Variants in DMD observed in about 807,000 individuals in gnomAD.
DMD encodes mutant dystrophin.
In DMD, 63 loss-of-function variants were observed where a neutral mutation model predicts 330.1. That is an observed-to-expected ratio of 0.19 (90% CI 0.16 to 0.24). The LOEUF is 0.24. Ranked by LOEUF, DMD falls within the 10% of genes least tolerant of loss-of-function variation. The probability of loss-of-function intolerance (pLI) is 1.00; values close to 1 mark genes in which losing one functional copy is unlikely to be tolerated. For synonymous variants in DMD, 1,223 were observed against 959.8 expected (o/e 1.27, Z -5.07); for missense variants, 3,344 against 2,684.1 (o/e 1.25, Z -5.43).
chrX:32,237,345 G>A (rs1005318934), intron 43 of DMD, among the ~76,000 whole-genome samples: 3 of 110,348 alleles, frequency 2.7e-5, no homozygotes, highest in Non-Finnish European at 3.8e-5. Flanking sequence ...CAATACATTC[G>A]AATACATTAG....
intron 1 of DMD, among the ~76,000 whole-genome samples, chrX:33,068,421 C>A (rs989834389): frequency 8.9e-6 from 1 of 112,069 alleles, no homozygotes; most frequent in Non-Finnish European, 1.9e-5. Flanking sequence ...AGGTATTGTA[C>A]TTTGCCAAGG....
At chrX:31,157,019 G>A (rs776120410) in intron 74 of DMD, among the ~76,000 whole-genome samples, 1 of 112,049 alleles carries the variant, frequency 8.9e-6, no homozygotes, top group East Asian at 2.8e-4. Flanking sequence ...TGAAATCACT[G>A]AGTTAAGATC....
intron 7 of DMD, among the ~76,000 whole-genome samples, chrX:32,796,102 C>A (rs1384987205): frequency 2.4e-5 from 2 of 84,934 alleles, no homozygotes; most frequent in South Asian, 9.0e-4. Context: ...AGCAATGCCA[C>A]TAATAAGTAT....
chrX:31,386,214 C>T (rs189503466), intron 60 of DMD, among the ~76,000 whole-genome samples: 20 of 110,765 alleles, frequency 1.8e-4, no homozygotes, highest in African/African-American at 5.2e-4. Context: ...CATCACACAC[C>T]AGGGACTGTT....
chrX:32,485,415 T>C (rs1603634619), intron 20 of DMD, among the ~76,000 whole-genome samples: 1 of 110,951 alleles, frequency 9.0e-6, no homozygotes, highest in East Asian at 2.8e-4. Flanking sequence ...TTTCCATAAA[T>C]CAAATATAGG....
intron 1 of DMD, among the ~76,000 whole-genome samples, chrX:33,168,249 A>T (rs1280950249): frequency 9.0e-6 from 1 of 111,268 alleles, no homozygotes; most frequent in African/African-American, 3.2e-5. Flanking sequence ...CAATGTGGCA[A>T]TTACTACTTC....
chrX:33,336,670 T>C (rs1478318804), intron 1 of DMD, among the ~76,000 whole-genome samples: 1 of 111,875 alleles, frequency 8.9e-6, no homozygotes, highest in Non-Finnish European at 1.9e-5. Flanking sequence ...TCACTAATTC[T>C]GGATTTAAAA....
At chrX:33,255,752 T>C (rs1224465245) in intron 1 of DMD, among the ~76,000 whole-genome samples, 1 of 111,431 alleles carries the variant, frequency 9.0e-6, no homozygotes, top group Non-Finnish European at 1.9e-5. Flanking sequence ...TTTCCTTTAA[T>C]TGAATCATTT....
intron 29 of DMD, among the ~76,000 whole-genome samples, chrX:32,429,387 G>GTTA (rs1191026907): frequency 2.3e-5 from 1 of 44,201 alleles, no homozygotes; most frequent in African/African-American, 1.1e-4. Flanking sequence ...TTTTTTTTGG[G>GTTA]TTTTTTTTTT....
At chrX:32,946,708 T>A (rs889238950) in intron 2 of DMD, among the ~76,000 whole-genome samples, 2 of 112,249 alleles carry the variant, frequency 1.8e-5, no homozygotes, top group African/African-American at 6.5e-5. Context: ...CGTTGACATT[T>A]TTTTTCTTGT....
chrX:32,145,195 T>C (rs1180206427), intron 44 of DMD, among the ~76,000 whole-genome samples: 1 of 112,721 alleles, frequency 8.9e-6, no homozygotes, highest in African/African-American at 3.2e-5. Flanking sequence ...TGTATGTAAG[T>C]TATTTCAAAA....
intron 41 of DMD, among the ~76,000 whole-genome samples, chrX:32,341,243 T>A (rs1158026045): frequency 9.0e-6 from 1 of 111,525 alleles, no homozygotes; most frequent in African/African-American, 3.3e-5. Flanking sequence ...GTTTCCAGAT[T>A]TTGACATCCT....
intron 57 of DMD, among the ~76,000 whole-genome samples, chrX:31,483,040 CTTTTTTTTT>C (rs375059694): frequency 2.8e-5 from 2 of 70,736 alleles, no homozygotes; most frequent in African/African-American, 1.0e-4. Flanking sequence ...GGAAATGGAT[CTTTTTTTTT>C]TTTTTTTTTT....
intron 42 of DMD, among the ~76,000 whole-genome samples, chrX:32,293,199 G>T (rs963313184): frequency 1.2e-4 from 14 of 112,401 alleles, no homozygotes; most frequent in African/African-American, 4.2e-4. Context: ...GAGGAATGCA[G>T]GTTAAAACTG....
chrX:32,300,422 G>C (rs895213426), intron 42 of DMD, among the ~76,000 whole-genome samples: 5 of 110,776 alleles, frequency 4.5e-5, no homozygotes, highest in African/African-American at 1.6e-4. Context: ...CCTTTATTCA[G>C]AATTACACCT....
chrX:31,620,863 G>C (rs936092384), intron 55 of DMD, among the ~76,000 whole-genome samples: 1 of 111,471 alleles, frequency 9.0e-6, no homozygotes, highest in African/African-American at 3.3e-5. Context: ...GTAACATTTT[G>C]GTGACATTTA....
At chrX:32,803,427 GT>G (rs373415501) in intron 7 of DMD, among the ~76,000 whole-genome samples, 4,132 of 100,344 alleles carry the variant, frequency 0.041, 207 homozygotes, top group African/African-American at 0.13. Context: ...CCTGAATTGA[GT>G]TTTTTTTTTT....
rs1184896934 is a variant in DMD, at chrX:32,452,377, GA to G, written c.3603+2284del. Among the ~76,000 whole-genome samples, 83 of 15,539 alleles carry G rather than the reference GA, an allele frequency of 5.3e-3. 10 individuals are homozygous for G. The highest frequency in any genetic ancestry group is 9.0e-3 in the Non-Finnish European group (73 of 8,112). The allele number at this position is 15,539 out of a possible 115,157, so 13.5% of individuals were successfully genotyped here. A position where few individuals can be genotyped will look rare whatever the true frequency, so the allele number is the denominator to read the frequency against. ...GGAAAGGGAAAGGGAAAGGGAAAGG[GA>G]AAGGGAAAGGGAAAGGGAAGGGAAA... On this transcript the variant is annotated intron_variant, in intron 26 of 78. Coordinates refer to ENST00000357033, the MANE Select transcript of DMD (RefSeq NM_004006.3).
chrX:32,466,450 G>C (rs2040033390), intron 23 of DMD, among the ~76,000 whole-genome samples: 1 of 110,859 alleles, frequency 9.0e-6, no homozygotes, highest in Non-Finnish European at 1.9e-5. Context: ...ACCATGCAAG[G>C]CTGAATAATG....
Sources: gnomAD v4.1 joint callset for allele counts (sites outside exome capture counted in the v4.1 genomes callset) on GRCh38, gnomAD v4.1.1 for gene constraint, MANE v1.5 for transcripts, NCBI Gene and HGNC (gene_info 2026-07-23, HGNC 2026-07-21) for gene names.